APBB2: variants seen among roughly 807,000 people sequenced by gnomAD.
APBB2 encodes the protein Fe65-like 1.
A neutral mutation model predicts 82.5 loss-of-function variants in APBB2; 38 were observed. The observed-to-expected ratio is 0.46, with a 90% CI of 0.36 to 0.60. The LOEUF (loss-of-function observed/expected upper bound fraction) is 0.60, where lower values mean the gene tolerates loss of function less well. APBB2 is among the 20% of genes least tolerant of loss of function. The pLI is 0.00. For synonymous variants in APBB2, 341 were observed against 368.2 expected (o/e 0.93, Z 0.85); for missense variants, 772 against 972.3 (o/e 0.79, Z 2.74).
chr4:40,971,401 C>T (rs200424863), intron 6 of APBB2, among the ~76,000 whole-genome samples: 1 of 152,162 alleles, frequency 6.6e-6, no homozygotes, highest in East Asian at 1.9e-4. Context: ...ACTAAATTCT[C>T]TACTTATTCA....
At chr4:41,049,980 C>T (rs925487792) in intron 4 of APBB2, among the ~76,000 whole-genome samples, 11 of 152,028 alleles carry the variant, frequency 7.2e-5, no homozygotes, top group African/African-American at 1.2e-4. Flanking sequence ...ACAAACACTG[C>T]GGAAGGCCAC....
intron 1 of APBB2, among the ~76,000 whole-genome samples, chr4:41,172,834 T>A (rs935879284): frequency 1.7e-4 from 26 of 152,246 alleles, no homozygotes; most frequent in Admixed American, 1.2e-3. Context: ...GATGCCAAGC[T>A]GTCATTTTTT....
intron 10 of APBB2, among the ~76,000 whole-genome samples, chr4:40,894,863 G>A (rs1401329021): frequency 6.6e-6 from 1 of 152,178 alleles, no homozygotes; most frequent in Non-Finnish European, 1.5e-5. Flanking sequence ...GTGATCACCA[G>A]GGTTGCCGCA....
intron 12 of APBB2, among the ~76,000 whole-genome samples, chr4:40,887,419 A>C (rs1770636879): frequency 6.6e-6 from 1 of 152,226 alleles, no homozygotes; most frequent in Non-Finnish European, 1.5e-5. Context: ...TCAGCAAGGA[A>C]AGTTACAAAA....
intron 6 of APBB2, among the ~76,000 whole-genome samples, chr4:40,981,320 TAC>T (rs1798419112): frequency 6.6e-6 from 1 of 152,062 alleles, no homozygotes; most frequent in Admixed American, 6.5e-5. Flanking sequence ...AGTGGAGGTT[TAC>T]AGTGAGCTGA....
chr4:40,949,448 T>G (rs1434443708), intron 6 of APBB2, among the ~76,000 whole-genome samples: 1 of 152,144 alleles, frequency 6.6e-6, no homozygotes, highest in Non-Finnish European at 1.5e-5. Flanking sequence ...CAATAAAGTT[T>G]AAAACCATAG....
At chr4:40,827,784 G>A (rs1324494382) in intron 13 of APBB2, among the ~76,000 whole-genome samples, 1 of 152,206 alleles carries the variant, frequency 6.6e-6, no homozygotes, top group Non-Finnish European at 1.5e-5. Flanking sequence ...GCATAGGGAA[G>A]GCCTAGACAG....
intron 1 of APBB2, among the ~76,000 whole-genome samples, chr4:41,161,809 A>G (rs538014682): frequency 1.3e-5 from 2 of 152,290 alleles, no homozygotes; most frequent in Admixed American, 1.3e-4. Context: ...AAGTTCTTTC[A>G]ATTCTTTAAA....
chr4:41,060,017 T>C (rs763154345), intron 4 of APBB2, among the ~76,000 whole-genome samples: 186 of 151,860 alleles, frequency 1.2e-3, no homozygotes, highest in Non-Finnish European at 1.9e-3. Context: ...ACAATAACAC[T>C]GGTCCAGAAG....
At chr4:41,154,455 T>C (rs1317312057) in intron 1 of APBB2, among the ~76,000 whole-genome samples, 1 of 152,202 alleles carries the variant, frequency 6.6e-6, no homozygotes, top group African/African-American at 2.4e-5. Flanking sequence ...TATGGCATTG[T>C]TTTTCTGAAC....
chr4:41,055,204 C>G (rs1727414707), intron 4 of APBB2, among the ~76,000 whole-genome samples: 1 of 152,224 alleles, frequency 6.6e-6, no homozygotes, highest in Admixed American at 6.5e-5. Context: ...TCAAGCACTG[C>G]TTCTTCAGGG....
chr4:41,162,920 T>C (rs892678277), intron 1 of APBB2, among the ~76,000 whole-genome samples: 1 of 152,182 alleles, frequency 6.6e-6, no homozygotes, highest in African/African-American at 2.4e-5. Context: ...TGAGTATCAA[T>C]AAGGGCAAGG....
intron 1 of APBB2, among the ~76,000 whole-genome samples, chr4:41,156,879 A>C (rs1763598114): frequency 6.6e-6 from 1 of 152,094 alleles, no homozygotes; most frequent in South Asian, 2.1e-4. Context: ...CAGCCGGACT[A>C]ACATGGGAAA....
intron 1 of APBB2, among the ~76,000 whole-genome samples, chr4:41,185,149 G>A (rs1446304224): frequency 6.6e-6 from 1 of 152,178 alleles, no homozygotes; most frequent in East Asian, 1.9e-4. Flanking sequence ...AAGGAGAGCA[G>A]AAAGAAGAAA....
At chr4:40,989,395 T>TCAAAATCTATGGGAGCAAAACC (rs1418282977) in intron 6 of APBB2, among the ~76,000 whole-genome samples, 2 of 152,170 alleles carry the variant, frequency 1.3e-5, no homozygotes, top group Non-Finnish European at 2.9e-5. Flanking sequence ...TCTCTGCATC[T>TCAAAATCTATGGGAGCAAAACC]AAAAATCTAT....
intron 12 of APBB2, among the ~76,000 whole-genome samples, chr4:40,877,262 T>C (rs1041078001): frequency 6.6e-6 from 1 of 152,272 alleles, no homozygotes; most frequent in Non-Finnish European, 1.5e-5. Context: ...GTTACCCATC[T>C]GAGAGCAAAG....
intron 10 of APBB2, among the ~76,000 whole-genome samples, chr4:40,902,949 T>C (rs1283265313): frequency 2.6e-5 from 4 of 152,148 alleles, no homozygotes; most frequent in Non-Finnish European, 5.9e-5. Flanking sequence ...AAGACAAGCC[T>C]GGGTAACAAA....
chr4:40,949,478 G>T (rs1326041151), intron 6 of APBB2, among the ~76,000 whole-genome samples: 1 of 151,966 alleles, frequency 6.6e-6, no homozygotes, highest in Non-Finnish European at 1.5e-5. Flanking sequence ...GAGAACAGTG[G>T]GGTCAAGTTA....
intron 12 of APBB2, among the ~76,000 whole-genome samples, chr4:40,842,736 A>G (rs576526592): frequency 2.6e-5 from 4 of 152,302 alleles, no homozygotes; most frequent in Admixed American, 2.0e-4. Flanking sequence ...CCTGCTCCCA[A>G]TAAAAAACAT....
Sources: allele counts gnomAD v4.1 joint callset (sites outside exome capture counted in the v4.1 genomes callset), GRCh38; gene constraint gnomAD v4.1.1; transcripts MANE v1.5; gene names NCBI Gene and HGNC (gene_info 2026-07-23, HGNC 2026-07-21).